NAA50: variants seen among roughly 807,000 people sequenced by gnomAD.
NAA50 encodes N-alpha-acetyltransferase 50, NatE catalytic subunit.
In NAA50, 7 loss-of-function variants were observed where a neutral mutation model predicts 20.7. The observed-to-expected ratio is 0.34, with a 90% CI of 0.19 to 0.63. NAA50 has a LOEUF of 0.63. NAA50 is among the 30% of genes least tolerant of loss of function. The pLI, the probability that NAA50 is intolerant of heterozygous loss-of-function variation, is 0.75. For synonymous variants in NAA50, 54 were observed against 70.6 expected, an observed-to-expected ratio of 0.77 and a Z score of 1.18; for missense variants, 111 against 199.1, an observed-to-expected ratio of 0.56 and a Z score of 2.66.
In NAA50 at chr3:113,721,797, G is replaced by C; in HGVS notation, c.473C>G (p.Ser158Cys). The C allele has an allele frequency of 1.2e-6, 2 of 1,613,918 alleles. No homozygotes were observed. Among genetic ancestry groups the C allele is most frequent in the Non-Finnish European group, 1.7e-6 (2 of 1,179,844 alleles). Residue 158 changes from serine (S) to cysteine (C), a missense_variant, in exon 5 of 5, where the codon TCT (serine) becomes TGT (cysteine). Physicochemically the swap from Ser to Cys is moderately radical, Grantham distance 112. Transcript: ENST00000240922. The stretch of plus-strand genomic sequence containing the variant: ...CTTTTGCACATCTGCATTCTGACCA[G>C]AAGGAACTTTGAGGTTTTTCTGCAG... ...HVLQKNLKVP[S>C]GQNADVQKTD...
chr3:113,738,916 C>G (rs1199863949), intron 1 of NAA50, among the ~76,000 whole-genome samples: 1 of 152,088 alleles, frequency 6.6e-6, no homozygotes, highest in Non-Finnish European at 1.5e-5. Flanking sequence ...GACCTGGGCC[C>G]TAATGTCTCA....
Position 113,717,470 on chromosome 3 carries a change from A to C in NAA50, c.*4290T>G, listed in dbSNP as rs1358223165. ...ATTCTCAATGTTCTACCAAGTTAAC[A>C]ACACACATTAAGAAATCTGACTCAA... On this transcript the variant is annotated 3_prime_UTR_variant, in exon 5 of 5. Transcript: ENST00000240922. 6 of 152,234 alleles carry C rather than the reference A, an allele frequency of 3.9e-5. No homozygotes were observed. Among genetic ancestry groups the C allele is most frequent in the African/African-American group, 1.4e-4 (6 of 41,458 alleles). 9.4% of individuals were successfully genotyped at this position (152,234 alleles called of 1,614,324 possible). A position where few individuals can be genotyped will look rare whatever the true frequency, so the allele number is the denominator to read the frequency against.
Position 113,734,388 on chromosome 3 carries a change from C to T in NAA50, c.9-10293G>A, listed in dbSNP as rs146040737. Among the ~76,000 whole-genome samples the T allele has an allele frequency of 2.6e-3, 393 of 152,204 alleles. 1 individual carries two copies. Among genetic ancestry groups the T allele is most frequent in the African/African-American group, 9.2e-3 (380 of 41,500 alleles). On this transcript the variant is annotated intron_variant, in intron 1 of 4. Coordinates refer to ENST00000240922, the MANE Select transcript of NAA50 (RefSeq NM_025146.4). ...CCCAGGTGACAAGATCAATTGTACA[C>T]TAAACCTCAGCATCATGCAACACAC...
Position 113,719,379 on chromosome 3 carries a change from ATAT to A in NAA50, c.*2378_*2380del, listed in dbSNP as rs1166575464. 1 of 152,648 alleles carries A rather than the reference ATAT, an allele frequency of 6.6e-6. No individual in the cohort carries two copies. The highest frequency in any genetic ancestry group is 1.9e-4 in the East Asian group (1 of 5,204). 9.5% of individuals were successfully genotyped at this position (152,648 alleles called of 1,614,324 possible). On this transcript the variant is annotated 3_prime_UTR_variant, in exon 5 of 5. Transcript: ENST00000240922. ...ATCTGTCCTGAAAAATATGATGGAT[ATAT>A]CCTGTGATTTTCCAGTTAACAGAAT...
chr3:113,723,669 G>T, intron 2 of NAA50, 128 bp from the exon 3 acceptor site: 1 of 1,146,776 alleles, frequency 8.7e-7, no homozygotes. Context: ...GAATATCAAT[G>T]ATCTCAAAGC....
At position 113,736,612 on chromosome 3, in the gene NAA50, C is replaced by G. The variant is rs115581648; in HGVS notation, c.8+9330G>C. 2.0e-3 allele frequency among the ~76,000 whole-genome samples: 300 copies of G among 152,190 alleles called. 1 individual carries two copies. The highest frequency in any genetic ancestry group is 3.5e-3 in the Non-Finnish European group (238 of 68,004). Reference sequence around the variant, plus strand: ...TATTCAACCCATTGCCAATTATGCTCATAATTGTAAAAACATTTAGTAGCA... The same window carrying G: ...TATTCAACCCATTGCCAATTATGCTGATAATTGTAAAAACATTTAGTAGCA... On this transcript the variant is annotated intron_variant, in intron 1 of 4. Coordinates refer to ENST00000240922, the MANE Select transcript of NAA50 (RefSeq NM_025146.4).
At chr3:113,722,683 A>G (rs942790288) in intron 4 of NAA50, among the ~76,000 whole-genome samples, 5 of 152,136 alleles carry the variant, frequency 3.3e-5, no homozygotes, top group African/African-American at 1.2e-4. Context: ...TGGTGCTCTC[A>G]TCCTAATATA....
rs776610154 is a variant in NAA50 at position 113,723,408 on chromosome 3, C to G, written c.265+14G>C. Reference sequence around the variant, plus strand: ...ATGCTTCTCTGAAGAAGTAAAAAAACCACAATTTTTTACCTATTCCTAGCC... The same window carrying G: ...ATGCTTCTCTGAAGAAGTAAAAAAAGCACAATTTTTTACCTATTCCTAGCC... On this transcript the variant is annotated intron_variant, in intron 3 of 4. Coordinates refer to ENST00000240922, the MANE Select transcript of NAA50 (RefSeq NM_025146.4). 1 of 1,592,642 alleles carries G rather than the reference C, an allele frequency of 6.3e-7. No individual in the cohort carries two copies. Among genetic ancestry groups the G allele is most frequent in the Non-Finnish European group, 8.5e-7 (1 of 1,171,128 alleles).
At chr3:113,743,090 T>C (rs1301609882) in intron 1 of NAA50, among the ~76,000 whole-genome samples, 1 of 152,184 alleles carries the variant, frequency 6.6e-6, no homozygotes, top group African/African-American at 2.4e-5. Flanking sequence ...ATAAATTACA[T>C]TCAGTAGTTA....
chr3:113,738,984 C>G (rs915484890), intron 1 of NAA50, among the ~76,000 whole-genome samples: 4 of 152,106 alleles, frequency 2.6e-5, no homozygotes, highest in Non-Finnish European at 4.4e-5. Context: ...AGGCAATCAT[C>G]ATCCCAATTA....
chr3:113,721,621 A>G lies in NAA50; in HGVS notation c.*139T>C, dbSNP rs1708136834. ...CTTGAAAGTATTAAAACTCTCAGAGAAAAGGAAAGGAAGAAAGAAAAACAA... is the reference window on the plus strand; with the variant it reads ...CTTGAAAGTATTAAAACTCTCAGAGGAAAGGAAAGGAAGAAAGAAAAACAA... On this transcript the variant is annotated 3_prime_UTR_variant, in exon 5 of 5. Coordinates refer to ENST00000240922, the MANE Select transcript of NAA50 (RefSeq NM_025146.4). 3 of 837,904 alleles carry G rather than the reference A, an allele frequency of 3.6e-6. No homozygotes were observed. The highest frequency in any genetic ancestry group is 5.7e-6 in the Non-Finnish European group (3 of 530,286). The allele number at this position is 837,904 out of a possible 1,614,324, so 51.9% of individuals were successfully genotyped here. A position where few individuals can be genotyped will look rare whatever the true frequency, so the allele number is the denominator to read the frequency against.
chr3:113,725,862 A>C (rs1167244293), intron 1 of NAA50, among the ~76,000 whole-genome samples: 2 of 152,230 alleles, frequency 1.3e-5, no homozygotes, highest in Non-Finnish European at 2.9e-5. Flanking sequence ...CTTATAGTAC[A>C]AAGTTCTCTA....
At chr3:113,729,339 A>G (rs558854152) in intron 1 of NAA50, among the ~76,000 whole-genome samples, 1 of 152,352 alleles carries the variant, frequency 6.6e-6, no homozygotes, top group East Asian at 1.9e-4. Context: ...TTGGCCTCAA[A>G]GAAAGTTTGG....
At position 113,743,677 on chromosome 3, in the gene NAA50, C is replaced by T. The variant is rs534544899; in HGVS notation, c.8+2265G>A. Reference sequence around the variant, plus strand: ...AAAGGGATTATTCCTGTGAAATCATCTTAAAGGTTTACAGTAAAGAACACA... The same window carrying T: ...AAAGGGATTATTCCTGTGAAATCATTTTAAAGGTTTACAGTAAAGAACACA... On this transcript the variant is annotated intron_variant, in intron 1 of 4. Coordinates refer to ENST00000240922, the MANE Select transcript of NAA50 (RefSeq NM_025146.4). Among the ~76,000 whole-genome samples the T allele has an allele frequency of 1.1e-4, 17 of 152,316 alleles. No individual in the cohort carries two copies. The South Asian group carries it at 3.3e-3, about 30-fold the overall frequency.
Position 113,721,326 on chromosome 3 carries a change from C to A in NAA50, c.*434G>T. On this transcript the variant is annotated 3_prime_UTR_variant, in exon 5 of 5. Coordinates refer to ENST00000240922, the MANE Select transcript of NAA50 (RefSeq NM_025146.4). ...TTAGTATCCCAAAGTGTTTAAAAAC[C>A]CAAAGTACCACAAACACACTCAACT... The A allele has an allele frequency of 5.6e-6, 1 of 178,032 alleles. No individual in the cohort carries two copies. Among genetic ancestry groups the A allele is most frequent in the Non-Finnish European group, 1.2e-5 (1 of 85,750 alleles). 11.0% of individuals were successfully genotyped at this position (178,032 alleles called of 1,614,324 possible). A position where few individuals can be genotyped will look rare whatever the true frequency, so the allele number is the denominator to read the frequency against.
chr3:113,724,120 A>G (rs1708171564), intron 1 of NAA50, 25 bp from the exon 2 acceptor site: 8 of 1,523,434 alleles, frequency 5.3e-6, no homozygotes, highest in Non-Finnish European at 7.1e-6. Context: ...AATGTACTCA[A>G]TAAAACATAA....
chr3:113,739,927 T>C (rs1162542750), intron 1 of NAA50, among the ~76,000 whole-genome samples: 1 of 152,114 alleles, frequency 6.6e-6, no homozygotes, highest in East Asian at 1.9e-4. Context: ...ACTTCCTTGA[T>C]ATAACAAAAA....
At chr3:113,737,111 G>C (rs891733295) in intron 1 of NAA50, among the ~76,000 whole-genome samples, 1 of 152,030 alleles carries the variant, frequency 6.6e-6, no homozygotes, top group Non-Finnish European at 1.5e-5. Context: ...TGTAGCACAA[G>C]ATCAGTCACA....
Position 113,718,548 on chromosome 3 carries a change from C to A in NAA50, c.*3212G>T, listed in dbSNP as rs1368573087. The stretch of plus-strand genomic sequence containing the variant: ...TACTGAATTCTGTTAAAGAAAAAAT[C>A]TTAAATTCATGTTTGATAAAAAGCT... On this transcript the variant is annotated 3_prime_UTR_variant, in exon 5 of 5. Transcript: ENST00000240922. 3 of 152,144 alleles carry A rather than the reference C, an allele frequency of 2.0e-5. No individual in the cohort carries two copies. The highest frequency in any genetic ancestry group is 4.4e-5 in the Non-Finnish European group (3 of 67,988). 9.4% of individuals were successfully genotyped at this position (152,144 alleles called of 1,614,324 possible).
Sources: gnomAD v4.1 joint callset for allele counts (sites outside exome capture counted in the v4.1 genomes callset) on GRCh38, gnomAD v4.1.1 for gene constraint, MANE v1.5 for transcripts, NCBI Gene and HGNC (gene_info 2026-07-23, HGNC 2026-07-21) for gene names.